The following ULBP3 variants were observed in gnomAD, a reference collection of about 807,000 sequenced individuals.
ULBP3 encodes the protein UL16 binding protein 3.
In ULBP3, 25 loss-of-function variants were observed where a neutral mutation model predicts 24.9. The ratio of observed to expected loss-of-function variants is 1.00; its 90% CI spans 0.73 to 1.40. The LOEUF (loss-of-function observed/expected upper bound fraction) is 1.40, where lower values mean the gene tolerates loss of function less well. ULBP3 is among the 40% of genes most tolerant of loss of function. The pLI, the probability that ULBP3 is intolerant of heterozygous loss-of-function variation, is 0.00. For missense variants in ULBP3, 306 were observed against 307.5 expected, an observed-to-expected ratio of 1.00 and a Z score of 0.04; for synonymous variants, 114 against 114.7, an observed-to-expected ratio of 0.99 and a Z score of 0.04.
At chr6:150,068,450 C>T (rs1420396075) in intron 1 of ULBP3, among the ~76,000 whole-genome samples, 1 of 152,214 alleles carries the variant, frequency 6.6e-6, no homozygotes, top group African/African-American at 2.4e-5. Context: ...TTCTCTTTTA[C>T]TTGCAGGTTG....
intron 3 of ULBP3, 75 bp downstream of exon 3, chr6:150,065,323 T>C (rs1776329263): frequency 1.9e-6 from 3 of 1,580,620 alleles, no homozygotes; most frequent in African/African-American, 1.3e-5. Context: ...ACACCCACCA[T>C]ACTCAGACAC....
In ULBP3 at chr6:150,063,234, C is replaced by T. The variant is rs1192591453; in HGVS notation, c.*140G>A. On this transcript the variant is annotated 3_prime_UTR_variant, in exon 5 of 5. Coordinates refer to ENST00000367339, the MANE Select transcript of ULBP3 (RefSeq NM_024518.3). ...CATCTGCTGGGGGCCTCTGGGCTTG[C>T]TAAGGCTTGAACTCCTGCTTTCCAG... 1 of 510,658 alleles carries T rather than the reference C, an allele frequency of 2.0e-6. No individual in the cohort carries two copies. The highest frequency in any genetic ancestry group is 2.5e-6 in the Non-Finnish European group (1 of 396,488). 31.6% of individuals were successfully genotyped at this position (510,658 alleles called of 1,614,324 possible).
chr6:150,068,318 CT>C lies in ULBP3; in HGVS notation c.88+660del, dbSNP rs1217754085. Among the ~76,000 whole-genome samples, 3 of 152,182 alleles carry C rather than the reference CT, an allele frequency of 2.0e-5. No individual in the cohort carries two copies. The East Asian group carries it at 5.8e-4, about 29-fold the overall frequency. On this transcript the variant is annotated intron_variant, in intron 1 of 4. Coordinates refer to ENST00000367339, the MANE Select transcript of ULBP3 (RefSeq NM_024518.3). ...GAAGCCACAGGCAGGGTAGGACACA[CT>C]TGTGACTCTTCAACTTACACAACTT... is the stretch of plus-strand genomic sequence containing the variant.
At chr6:150,068,095 A>G (rs1582867156) in intron 1 of ULBP3, among the ~76,000 whole-genome samples, 1 of 152,244 alleles carries the variant, frequency 6.6e-6, no homozygotes, top group South Asian at 2.1e-4. Flanking sequence ...GGAACCAAGA[A>G]GCTGCACAAG....
In ULBP3 at chr6:150,068,968, C is replaced by A. The variant is rs750722863; in HGVS notation, c.88+11G>T. 4.4e-6 allele frequency: 7 copies of A among 1,600,144 alleles called. No homozygotes were observed. The highest frequency in any genetic ancestry group is 6.0e-6 in the Non-Finnish European group (7 of 1,171,714). On this transcript the variant is annotated intron_variant, in intron 1 of 4. Transcript: ENST00000367339. ...GCCCCCGCCCCGCTTAGGCTCCATCCCCGAACTCACCGGCCCGCCCCGTCC... is the reference window on the plus strand; with the variant it reads ...GCCCCCGCCCCGCTTAGGCTCCATCACCGAACTCACCGGCCCGCCCCGTCC...
chr6:150,068,871 G>A (rs1177126964), intron 1 of ULBP3, 108 bp downstream of exon 1: 5 of 1,179,736 alleles, frequency 4.2e-6, no homozygotes, highest in East Asian at 2.7e-5. Context: ...GCAGTCCGGG[G>A]AGATCGCGCC....
At chr6:150,066,462 G>A (rs192565155) in intron 1 of ULBP3, among the ~76,000 whole-genome samples, 1 of 152,324 alleles carries the variant, frequency 6.6e-6, no homozygotes, top group East Asian at 1.9e-4. Flanking sequence ...ACTGCAAGAG[G>A]CGGGAGAGTG....
intron 1 of ULBP3, among the ~76,000 whole-genome samples, chr6:150,067,260 GA>G (rs1776360822): frequency 6.6e-6 from 1 of 152,200 alleles, no homozygotes; most frequent in Non-Finnish European, 1.5e-5. Flanking sequence ...TCCATTACTA[GA>G]AGGAGAGCCC....
chr6:150,068,476 G>A (rs1455896819), intron 1 of ULBP3, among the ~76,000 whole-genome samples: 2 of 152,206 alleles, frequency 1.3e-5, no homozygotes, highest in Non-Finnish European at 2.9e-5. Flanking sequence ...GCCTGCTGTT[G>A]CTCTACAAAG....
Position 150,062,247 on chromosome 6 carries a change from T to C in ULBP3, c.*1127A>G, listed in dbSNP as rs1776283399. Among the ~76,000 whole-genome samples, 1 of 152,262 alleles carries C rather than the reference T, an allele frequency of 6.6e-6. No individual in the cohort carries two copies. The highest frequency in any genetic ancestry group is 1.5e-5 in the Non-Finnish European group (1 of 68,050). On this transcript the variant is annotated 3_prime_UTR_variant, in exon 5 of 5. Transcript: ENST00000367339. ...AGTTTAATGAGGTCCCATTTGTCAATTTTTGTTTTTGTTACAATTGTTTTT... is the reference window on the plus strand; with the variant it reads ...AGTTTAATGAGGTCCCATTTGTCAACTTTTGTTTTTGTTACAATTGTTTTT...
chr6:150,066,037 C>G lies in ULBP3; in HGVS notation c.214G>C (p.Val72Leu), dbSNP rs1247004599. ...TCTTCTAGGTGACCCATAGATAAGA[C>G]CTTGTCACTGCCACAGTCATAGGAG... ...FLSYDCGSDK[V>L]LSMGHLEEQL... is the part of the protein sequence containing the mutation. Residue 72 changes from valine to leucine, a missense_variant, in exon 2 of 5, where the codon GTC (valine) becomes CTC (leucine). Val to Leu is a conservative substitution (Grantham distance 32). Coordinates refer to ENST00000367339, the MANE Select transcript of ULBP3 (RefSeq NM_024518.3). 6.2e-7 allele frequency: 1 copy of G among 1,614,100 alleles called. No individual in the cohort carries two copies. Among genetic ancestry groups the G allele is most frequent in the African/African-American group, 1.3e-5 (1 of 74,928 alleles).
chr6:150,068,131 C>T (rs1042029747), intron 1 of ULBP3, among the ~76,000 whole-genome samples: 10 of 152,132 alleles, frequency 6.6e-5, no homozygotes, highest in Admixed American at 2.0e-4. Context: ...CCCAGGACAC[C>T]ACATGGCTAC....
chr6:150,065,643 C>CAAG lies in ULBP3; in HGVS notation c.380_382dup (p.Ser127dup). 1.2e-6 allele frequency: 2 copies of CAAG among 1,614,204 alleles called. No homozygotes were observed. The highest frequency in any genetic ancestry group is 2.2e-5 in the South Asian group (2 of 91,086). The stretch of plus-strand genomic sequence containing the variant: ...GATGTATCCATCGGCTTCACACTCA[C>CAAG]AAGACATCCTGACCTGCAGCGTGAG... On this transcript the variant is annotated inframe_insertion, in exon 3 of 5. Coordinates refer to ENST00000367339, the MANE Select transcript of ULBP3 (RefSeq NM_024518.3).
intron 1 of ULBP3, among the ~76,000 whole-genome samples, chr6:150,068,288 T>A (rs1015685857): frequency 2.0e-5 from 3 of 151,944 alleles, no homozygotes; most frequent in African/African-American, 7.3e-5. Flanking sequence ...CATCCACACC[T>A]CCCAGAAGCC....
Position 150,066,275 on chromosome 6 carries a change from C to T in ULBP3, c.89-113G>A, listed in dbSNP as rs59166288. The stretch of plus-strand genomic sequence containing the variant: ...CTGGGCTGGCAGAGCATGGATTTCT[C>T]TTCCTGGACGGTGGTCTCTGCCTGT... On this transcript the variant is annotated intron_variant, in intron 1 of 4. Coordinates refer to ENST00000367339, the MANE Select transcript of ULBP3 (RefSeq NM_024518.3). The T allele has an allele frequency of 4.4e-3, 5,451 of 1,246,894 alleles. 188 individuals carry two copies. In the African/African-American group the frequency reaches 0.074, roughly 17 times the overall value. The allele number at this position is 1,246,894 out of a possible 1,614,324, so 77.2% of individuals were successfully genotyped here. A position where few individuals can be genotyped will look rare whatever the true frequency, so the allele number is the denominator to read the frequency against.
chr6:150,065,561 G>A lies in ULBP3; in HGVS notation c.465C>T (p.Asn155=). The A allele has an allele frequency of 6.2e-7, 1 of 1,614,146 alleles. No homozygotes were observed. The highest frequency in any genetic ancestry group is 1.1e-5 in the South Asian group (1 of 91,076). Residue 155 remains asparagine (N), a synonymous_variant, in exon 3 of 5, where the codon AAC becomes AAT. Transcript: ENST00000367339. The stretch of plus-strand genomic sequence containing the variant: ...CGTGAACCACTGTCCACTTTCTGTT[G>A]TTTGAGTCAAAGAGGAGGAACTTCC... ...DGRKFLLFDS[N]NRKWTVVHAG...
chr6:150,067,931 G>A (rs1776371112), intron 1 of ULBP3, among the ~76,000 whole-genome samples: 2 of 152,178 alleles, frequency 1.3e-5, no homozygotes, highest in Non-Finnish European at 2.9e-5. Flanking sequence ...CCCCTGTGGA[G>A]ATGGGCCTCC....
chr6:150,065,250 C>T (rs1025642336), intron 3 of ULBP3, 148 bp downstream of exon 3: 2 of 1,163,008 alleles, frequency 1.7e-6, no homozygotes, highest in African/African-American at 1.5e-5. Context: ...TTCTTACACT[C>T]ACTCAAACAC....
At position 150,061,353 on chromosome 6, in the gene ULBP3, A is replaced by G. The variant is rs183542879; in HGVS notation, c.*2021T>C. ...TGGAAGGCTGAGGCTTGGTGTCCCA[A>G]TGATCTCATCACTCAAACAGTAAGC... On this transcript the variant is annotated 3_prime_UTR_variant, in exon 5 of 5. Coordinates refer to ENST00000367339, the MANE Select transcript of ULBP3 (RefSeq NM_024518.3). Among the ~76,000 whole-genome samples the G allele has an allele frequency of 3.0e-4, 46 of 152,302 alleles. No individual in the cohort carries two copies. Among genetic ancestry groups the G allele is most frequent in the East Asian group, 2.3e-3 (12 of 5,176 alleles).
Sources: gnomAD v4.1 joint callset for allele counts (sites outside exome capture counted in the v4.1 genomes callset) on GRCh38, gnomAD v4.1.1 for gene constraint, MANE v1.5 for transcripts, NCBI Gene and HGNC (gene_info 2026-07-23, HGNC 2026-07-21) for gene names.